Variants in CHN1 observed in about 807,000 individuals in gnomAD.
CHN1 encodes the protein chimerin 1.
Under a neutral mutation model 59.5 loss-of-function variants are expected in CHN1, and 37 were observed. The observed-to-expected ratio is 0.62, with a 90% CI of 0.48 to 0.82. The LOEUF (loss-of-function observed/expected upper bound fraction) is 0.82, where lower values mean the gene tolerates loss of function less well. Ranked by LOEUF, CHN1 falls within the 40% of genes least tolerant of loss-of-function variation. The probability of loss-of-function intolerance (pLI) is 0.00; values close to 1 mark genes in which losing one functional copy is unlikely to be tolerated. For synonymous variants in CHN1, 206 were observed against 200.4 expected (o/e 1.03, Z -0.24); for missense variants, 469 against 571.0 (o/e 0.82, Z 1.82).
chr2:174,958,092 G>A (rs539263815), intron 1 of CHN1, among the ~76,000 whole-genome samples: 50 of 147,288 alleles, frequency 3.4e-4, no homozygotes, highest in Non-Finnish European at 6.4e-4. Context: ...GAGCCCAGGA[G>A]TTCAAGATCA....
chr2:174,820,137 A>C (rs947362810), intron 8 of CHN1, among the ~76,000 whole-genome samples: 4 of 152,108 alleles, frequency 2.6e-5, no homozygotes, highest in African/African-American at 9.7e-5. Flanking sequence ...ATACGTGTGC[A>C]TGTGTCTTTA....
At chr2:174,970,274 G>C (rs1215622626) in intron 1 of CHN1, among the ~76,000 whole-genome samples, 1 of 152,196 alleles carries the variant, frequency 6.6e-6, no homozygotes, top group African/African-American at 2.4e-5. Flanking sequence ...GGGGTTGTGA[G>C]CTGAACTAGC....
Position 175,005,277 on chromosome 2 carries a change from G to GCGGCGA in CHN1, c.-371_-366dup, listed in dbSNP as rs1692032317. 4 of 1,169,234 alleles carry GCGGCGA rather than the reference G, an allele frequency of 3.4e-6. No homozygotes were observed. Among genetic ancestry groups the GCGGCGA allele is most frequent in the Non-Finnish European group, 4.2e-6 (4 of 941,746 alleles). 72.4% of individuals were successfully genotyped at this position (1,169,234 alleles called of 1,614,324 possible). A position where few individuals can be genotyped will look rare whatever the true frequency, so the allele number is the denominator to read the frequency against. ...CGGCGCCGCACTGGCGGCGGCGGCG[G>GCGGCGA]CGGCGACGGGGAGAGCAGCAGCAGC... On this transcript the variant is annotated 5_prime_UTR_variant, in exon 1 of 13. Coordinates refer to ENST00000409900, the MANE Select transcript of CHN1 (RefSeq NM_001822.7).
intron 1 of CHN1, among the ~76,000 whole-genome samples, chr2:174,991,688 A>G (rs1190641463): frequency 6.6e-6 from 1 of 152,238 alleles, no homozygotes; most frequent in Non-Finnish European, 1.5e-5. Context: ...AAAACAATAT[A>G]TAAGAGATCT....
chr2:174,920,944 A>G (rs993955923), intron 3 of CHN1: 4 of 429,230 alleles, frequency 9.3e-6, no homozygotes, highest in African/African-American at 8.0e-5. Flanking sequence ...GTGACAGATC[A>G]TCAAGCATTG....
intron 3 of CHN1, among the ~76,000 whole-genome samples, chr2:174,936,727 T>C (rs1291934133): frequency 6.6e-6 from 1 of 152,170 alleles, no homozygotes; most frequent in Non-Finnish European, 1.5e-5. Context: ...TGATAAGGAA[T>C]TTCCAGGGGT....
intron 6 of CHN1, among the ~76,000 whole-genome samples, chr2:174,858,675 G>T (rs905917985): frequency 6.6e-6 from 1 of 151,968 alleles, no homozygotes; most frequent in African/African-American, 2.4e-5. Flanking sequence ...TTAGTTCAAA[G>T]GATCCTAATA....
At chr2:174,909,692 T>G (rs1414880831) in intron 5 of CHN1, among the ~76,000 whole-genome samples, 1 of 152,228 alleles carries the variant, frequency 6.6e-6, no homozygotes, top group Admixed American at 6.5e-5. Flanking sequence ...ACTAGAATAC[T>G]GACCATCCAT....
chr2:174,939,319 C>A (rs990667026), intron 3 of CHN1, among the ~76,000 whole-genome samples: 3 of 152,076 alleles, frequency 2.0e-5, no homozygotes, highest in Admixed American at 2.0e-4. Flanking sequence ...TAATGTCACA[C>A]CAAATGAATT....
intron 5 of CHN1, among the ~76,000 whole-genome samples, chr2:174,912,497 G>A (rs2105367971): frequency 6.6e-6 from 1 of 152,342 alleles, no homozygotes; most frequent in Non-Finnish European, 1.5e-5. Context: ...AGGTGCCTAT[G>A]AGGAATCAAG....
chr2:174,913,687 A>G (rs998737691), intron 5 of CHN1, among the ~76,000 whole-genome samples: 3 of 152,248 alleles, frequency 2.0e-5, no homozygotes, highest in African/African-American at 7.2e-5. Context: ...TTCAGCATTC[A>G]GTATGAAATA....
chr2:174,830,739 G>A (rs1685852735), intron 7 of CHN1, among the ~76,000 whole-genome samples: 1 of 152,200 alleles, frequency 6.6e-6, no homozygotes, highest in Non-Finnish European at 1.5e-5. Flanking sequence ...ACAGGAGTGA[G>A]GGAGGCACTA....
chr2:174,987,652 T>A (rs1691393843), intron 1 of CHN1, among the ~76,000 whole-genome samples: 1 of 152,124 alleles, frequency 6.6e-6, no homozygotes, highest in Non-Finnish European at 1.5e-5. Context: ...GCCAGGATGA[T>A]CTCGAACTCC....
intron 3 of CHN1, among the ~76,000 whole-genome samples, chr2:174,938,720 A>G (rs1438660561): frequency 2.6e-5 from 4 of 152,182 alleles, no homozygotes; most frequent in African/African-American, 4.8e-5. Flanking sequence ...GTAACAGACT[A>G]TAAGTTGTGA....
chr2:174,949,627 G>T (rs1689955669), intron 2 of CHN1, among the ~76,000 whole-genome samples: 2 of 152,036 alleles, frequency 1.3e-5, no homozygotes, highest in African/African-American at 2.4e-5. Flanking sequence ...AGTCTCCCCA[G>T]ACTACTAGGA....
chr2:174,915,089 G>A lies in CHN1; in HGVS notation c.229C>T (p.Arg77Trp), dbSNP rs373868253. 22 of 1,611,320 alleles carry A rather than the reference G, an allele frequency of 1.4e-5. No homozygotes were observed. The highest frequency in any genetic ancestry group is 1.8e-5 in the Non-Finnish European group (21 of 1,178,864). Residue 77 changes from arginine (R) to tryptophan (W), a missense_variant, in exon 5 of 13, where the codon CGG becomes TGG. Around this residue, in one of 5 missense-constraint regions of CHN1, gnomAD observed 152 missense variants for 166.1 expected, o/e 0.92. Transcript: ENST00000409900. ...EGSYLIRESQRQPGTYTLALR... is the reference protein window; with the variant it reads ...EGSYLIRESQWQPGTYTLALR... ...GCCAAAGTGTAGGTCCCTGGCTGCC[G>A]CTGGCTCTCCCGGATGAGGTAGCTC...
intron 1 of CHN1, among the ~76,000 whole-genome samples, chr2:174,969,397 A>T (rs1690685891): frequency 6.6e-6 from 1 of 152,236 alleles, no homozygotes; most frequent in African/African-American, 2.4e-5. Context: ...AGACCAAGTC[A>T]TGTGCACGCA....
chr2:174,838,692 T>G (rs1686181182), intron 7 of CHN1, among the ~76,000 whole-genome samples: 1 of 152,130 alleles, frequency 6.6e-6, no homozygotes, highest in African/African-American at 2.4e-5. Flanking sequence ...AAGGTTGGAC[T>G]GTTGTATGAA....
chr2:174,984,250 T>A (rs1691262444), intron 1 of CHN1, among the ~76,000 whole-genome samples: 1 of 152,014 alleles, frequency 6.6e-6, no homozygotes, highest in South Asian at 2.1e-4. Context: ...CATCTGCTCC[T>A]ACATATAATA....
Sources: gnomAD v4.1 joint callset for allele counts (sites outside exome capture counted in the v4.1 genomes callset) on GRCh38, gnomAD v4.1.1 for gene constraint, gnomAD v4.1.1 regional missense constraint, MANE v1.5 for transcripts, NCBI Gene and HGNC (gene_info 2026-07-23, HGNC 2026-07-21) for gene names.